CCDC186: variants seen among roughly 807,000 people sequenced by gnomAD.
CCDC186 encodes coiled-coil domain containing 186.
Under a neutral mutation model 113.7 loss-of-function variants are expected in CCDC186, and 49 were observed. The observed-to-expected ratio is 0.43, with a 90% CI of 0.34 to 0.55. CCDC186 has a LOEUF of 0.55. Among genes scored for constraint, CCDC186 ranks in the 20% least tolerant of loss-of-function variants. The probability of loss-of-function intolerance (pLI) is 0.02; values close to 1 mark genes in which losing one functional copy is unlikely to be tolerated. For missense variants in CCDC186, 890 were observed against 1,011.1 expected, an observed-to-expected ratio of 0.88 and a Z score of 1.62; for synonymous variants, 355 against 345.8, an observed-to-expected ratio of 1.03 and a Z score of -0.30.
At chr10:114,150,422 T>TG (rs1038841960) in intron 4 of CCDC186, among the ~76,000 whole-genome samples, 2 of 152,046 alleles carry the variant, frequency 1.3e-5, no homozygotes, top group Admixed American at 1.3e-4. Context: ...TCCAATCAAA[T>TG]GGGGGAAAAA....
At chr10:114,148,153 T>A (rs1188865939) in intron 4 of CCDC186, among the ~76,000 whole-genome samples, 1 of 151,986 alleles carries the variant, frequency 6.6e-6, no homozygotes, top group Non-Finnish European at 1.5e-5. Context: ...GAAAATATTA[T>A]GAGAGTCTTC....
Position 114,137,224 on chromosome 10 carries a change from T to C in CCDC186, c.1288A>G (p.Ile430Val). 6.2e-7 allele frequency: 1 copy of C among 1,613,832 alleles called. No homozygotes were observed. The highest frequency in any genetic ancestry group is 8.5e-7 in the Non-Finnish European group (1 of 1,179,926). ...LTQAKEEADQ[I>V]RKNCQDMIKT... ...ATCATATCCTGACAGTTTTTTCGTA[T>C]CTGATCTGCTTCTTCCTTTGCTTGT... The change falls in exon 7 of 16, where the codon ATA becomes GTA. Residue 430 changes from isoleucine (I) to valine (V), a missense_variant. Ile to Val is a conservative substitution (Grantham distance 29). Coordinates refer to ENST00000369287, the MANE Select transcript of CCDC186 (RefSeq NM_018017.4).
At chr10:114,168,023 A>G (rs976268005) in intron 1 of CCDC186, 5 of 150,814 alleles carry the variant, frequency 3.3e-5, no homozygotes, top group South Asian at 2.1e-4. Context: ...ATTTACACTC[A>G]TATATATATA....
At chr10:114,165,457 GC>G (rs1261596151) in intron 1 of CCDC186, among the ~76,000 whole-genome samples, 1 of 152,174 alleles carries the variant, frequency 6.6e-6, no homozygotes, top group Admixed American at 6.5e-5. Flanking sequence ...ACTTTGGGAG[GC>G]CAAGGAGGGC....
At chr10:114,133,470 A>C (rs1268368113) in intron 10 of CCDC186, among the ~76,000 whole-genome samples, 1 of 152,206 alleles carries the variant, frequency 6.6e-6, no homozygotes, top group Non-Finnish European at 1.5e-5. Flanking sequence ...GGCTAAAGAT[A>C]ATGACTCAAA....
Position 114,157,649 on chromosome 10 carries a change from GCTC to G in CCDC186, c.661_663del (p.Glu221del), listed in dbSNP as rs1434777350. Reference sequence around the variant, plus strand: ...TTTTCTGAACAAATGTCTACGAAGAGCTCCTGATGCTTCTTATTTTCTTTAATT... The same window carrying G: ...TTTTCTGAACAAATGTCTACGAAGAGCTGATGCTTCTTATTTTCTTTAATT... On this transcript the variant is annotated inframe_deletion, in exon 3 of 16. Coordinates refer to ENST00000369287, the MANE Select transcript of CCDC186 (RefSeq NM_018017.4). The G allele has an allele frequency of 6.3e-7, 1 of 1,596,416 alleles. No homozygotes were observed. Among genetic ancestry groups the G allele is most frequent in the South Asian group, 1.1e-5 (1 of 87,736 alleles).
At position 114,153,492 on chromosome 10, in the gene CCDC186, A is replaced by G. The variant is rs117962719; in HGVS notation, c.760-2272T>C. On this transcript the variant is annotated intron_variant, in intron 3 of 15. Coordinates refer to ENST00000369287, the MANE Select transcript of CCDC186 (RefSeq NM_018017.4). ...ATAACTACAAATACCTATATTAAAAAAGAAGAAAGGGGGCCAGGCGGGGTG... is the reference window on the plus strand; with the variant it reads ...ATAACTACAAATACCTATATTAAAAGAGAAGAAAGGGGGCCAGGCGGGGTG... Among the ~76,000 whole-genome samples the G allele has an allele frequency of 5.6e-4, 86 of 152,294 alleles. No individual in the cohort carries two copies. In the East Asian group the frequency reaches 0.016, roughly 28 times the overall value.
intron 4 of CCDC186, among the ~76,000 whole-genome samples, chr10:114,150,823 G>A (rs1158627719): frequency 1.3e-5 from 2 of 151,902 alleles, no homozygotes; most frequent in East Asian, 1.9e-4. Context: ...TAAACTTTTC[G>A]TATTTTTAGT....
At chr10:114,131,411 A>AGATTGTTAAGGTTAT in intron 11 of CCDC186, 75 bp from the exon 12 acceptor site, 1 of 1,276,564 alleles carries the variant, frequency 7.8e-7, no homozygotes, top group Non-Finnish European at 1.1e-6. Context: ...ATATAACCTT[A>AGATTGTTAAGGTTAT]ACAATCTAAG....
At chr10:114,146,091 C>G (rs952572656) in intron 4 of CCDC186, among the ~76,000 whole-genome samples, 1 of 152,142 alleles carries the variant, frequency 6.6e-6, no homozygotes, top group African/African-American at 2.4e-5. Flanking sequence ...ACATCATGAA[C>G]CCTATCAATA....
chr10:114,131,760 TA>T (rs1250798097), intron 11 of CCDC186, among the ~76,000 whole-genome samples, 168 bp downstream of exon 11: 2 of 152,226 alleles, frequency 1.3e-5, no homozygotes, highest in Non-Finnish European at 2.9e-5. Context: ...AATTTTATTA[TA>T]AATTATAACA....
chr10:114,159,827 T>A (rs1353543956), intron 2 of CCDC186, among the ~76,000 whole-genome samples: 4 of 151,920 alleles, frequency 2.6e-5, no homozygotes, highest in African/African-American at 7.3e-5. Context: ...CTGAGCCTAG[T>A]GGTGCGCACC....
intron 6 of CCDC186, among the ~76,000 whole-genome samples, chr10:114,138,525 T>C (rs2031356853): frequency 1.3e-5 from 2 of 152,012 alleles, no homozygotes; most frequent in Non-Finnish European, 2.9e-5. Flanking sequence ...CCTCAGGTGA[T>C]CCACCTGTCT....
Position 114,136,155 on chromosome 10 carries a change from T to G in CCDC186, c.1418A>C (p.Gln473Pro). The stretch of plus-strand genomic sequence containing the variant: ...AAGAGCAAAACTACTCACCTCTAGC[T>G]GGTCAGATTTTTCTTGCATTTGTTT... ...LEKQMQEKSD[Q>P]LEMHHAKIKE... Residue 473 changes from glutamine to proline, a missense_variant, in exon 8 of 16, where the codon CAG becomes CCG. Gln to Pro is a moderately conservative substitution (Grantham distance 76). Transcript: ENST00000369287. The G allele has an allele frequency of 6.2e-7, 1 of 1,611,922 alleles. No homozygotes were observed. Among genetic ancestry groups the G allele is most frequent in the Non-Finnish European group, 8.5e-7 (1 of 1,178,638 alleles).
At chr10:114,137,824 G>A (rs988871959) in intron 6 of CCDC186, among the ~76,000 whole-genome samples, 6 of 151,484 alleles carry the variant, frequency 4.0e-5, no homozygotes, top group Non-Finnish European at 8.8e-5. Context: ...ATCATCAGAG[G>A]TCGGGAGTTT....
Position 114,125,941 on chromosome 10 carries a change from T to A in CCDC186, c.2558A>T (p.Asn853Ile). The A allele has an allele frequency of 6.2e-7, 1 of 1,614,036 alleles. No individual in the cohort carries two copies. The highest frequency in any genetic ancestry group is 8.5e-7 in the Non-Finnish European group (1 of 1,179,954). ...GLTLELSLEI[N>I]RKLQAVLEDT... ...CTCCAAAACAGCCTGTAATTTTCGGTTGATTTCCAAAGAGAGCTCCAATGT... is the reference window on the plus strand; with the variant it reads ...CTCCAAAACAGCCTGTAATTTTCGGATGATTTCCAAAGAGAGCTCCAATGT... The change falls in exon 15 of 16, where the codon AAC (asparagine) becomes ATC (isoleucine). Residue 853 changes from asparagine (N) to isoleucine (I), a missense_variant. Asn to Ile is a moderately radical substitution (Grantham distance 149). Transcript: ENST00000369287.
chr10:114,154,105 G>C (rs1195638596), intron 3 of CCDC186, among the ~76,000 whole-genome samples: 2 of 151,602 alleles, frequency 1.3e-5, no homozygotes, highest in East Asian at 3.9e-4. Context: ...CAGCTACTCG[G>C]GAGGTTGAGG....
rs954348351 is a variant in CCDC186, at chr10:114,122,222, A to C, written c.*2921T>G. The C allele has an allele frequency of 4.6e-5, 7 of 152,138 alleles. No homozygotes were observed. Among genetic ancestry groups the C allele is most frequent in the Admixed American group, 4.6e-4 (7 of 15,268 alleles). 9.4% of individuals were successfully genotyped at this position (152,138 alleles called of 1,614,324 possible). On this transcript the variant is annotated 3_prime_UTR_variant, in exon 16 of 16. Coordinates refer to ENST00000369287, the MANE Select transcript of CCDC186 (RefSeq NM_018017.4). ...TGCCAATACAATAGTATAGGTTTTC[A>C]ATAAATGTGTTTATTAAATAAATAA...
chr10:114,127,600 T>C lies in CCDC186; in HGVS notation c.2254A>G (p.Asn752Asp), dbSNP rs1242808232. The change falls in exon 14 of 16, where the codon AAC (asparagine) becomes GAC (aspartate). Residue 752 changes from asparagine (N) to aspartate (D), a missense_variant. By Grantham distance (23) the Asn-to-Asp change is conservative. Transcript: ENST00000369287. ...ENTGSSVAVD[N>D]FPQVDKAMLI... is the part of the protein sequence containing the mutation. ...ATGGCCTTATCTACTTGTGGAAAGT[T>C]ATCCACAGCTACTGAGGACCCAGTA... The C allele has an allele frequency of 7.4e-6, 12 of 1,613,982 alleles. No individual in the cohort carries two copies. The highest frequency in any genetic ancestry group is 5.9e-6 in the Non-Finnish European group (7 of 1,180,008).
Sources: allele counts gnomAD v4.1 joint callset (sites outside exome capture counted in the v4.1 genomes callset), GRCh38; gene constraint gnomAD v4.1.1; transcripts MANE v1.5; gene names NCBI Gene and HGNC (gene_info 2026-07-23, HGNC 2026-07-21).